The following PKD1 variants were observed in gnomAD, a reference collection of about 807,000 sequenced individuals.
The protein encoded by PKD1 is polycystin-1.
A neutral mutation model predicts 361.7 loss-of-function variants in PKD1; 81 were observed. That is an observed-to-expected ratio of 0.22 (90% CI 0.19 to 0.27). PKD1 has a LOEUF of 0.27. PKD1 is among the 10% of genes least tolerant of loss of function. The pLI is 1.00. For missense variants in PKD1, 6,399 were observed against 6,118.3 expected, an observed-to-expected ratio of 1.05 and a Z score of -1.53; for synonymous variants, 3,615 against 2,818.3, an observed-to-expected ratio of 1.28 and a Z score of -8.95.
Position 2,092,501 on chromosome 16 carries a change from G to A in PKD1, c.11248C>T (p.Arg3750Trp), listed in dbSNP as rs1356378120. 4 of 1,610,224 alleles carry A rather than the reference G, an allele frequency of 2.5e-6. No homozygotes were observed. Among genetic ancestry groups the A allele is most frequent in the East Asian group, 2.2e-5 (1 of 44,872 alleles). The change falls in exon 39 of 46, where the codon CGG becomes TGG. Residue 3750 changes from arginine to tryptophan, a missense_variant. Physicochemically the swap from Arg to Trp is moderately radical, Grantham distance 101. Transcript: ENST00000262304. The part of the protein sequence containing the change: ...SSPELGPPRL[R>W]QVRLQEALYP... ...TCACCTTCCTGCAGCCGCACCTGCC[G>A]CAGCCGTGGGGGCCCCAGCTCTGGG...
chr16:2,122,188 C>A (rs560486848), intron 1 of PKD1, among the ~76,000 whole-genome samples: 2 of 152,380 alleles, frequency 1.3e-5, no homozygotes, highest in African/African-American at 4.8e-5. Flanking sequence ...GACGGTGGAG[C>A]CAGGCCCTCA....
At position 2,091,183 on chromosome 16, in the gene PKD1, G is replaced by C; in HGVS notation, c.11713-9C>G. The C allele has an allele frequency of 2.8e-6, 4 of 1,405,480 alleles. No homozygotes were observed. Among genetic ancestry groups the C allele is most frequent in the Non-Finnish European group, 3.7e-6 (4 of 1,087,866 alleles). The allele number at this position is 1,405,480 out of a possible 1,614,324, so 87.1% of individuals were successfully genotyped here. ...AACAGCAGCAGGCACACCTGTGGGGGGCGCGGTCAGGAGGGCGGGAGGGAC... is the reference window on the plus strand; with the variant it reads ...AACAGCAGCAGGCACACCTGTGGGGCGCGCGGTCAGGAGGGCGGGAGGGAC... On this transcript the variant is annotated splice_polypyrimidine_tract_variant and intron_variant, in intron 42 of 45. Transcript: ENST00000262304.
chr16:2,124,816 G>A (rs987217562), intron 1 of PKD1, among the ~76,000 whole-genome samples: 1 of 152,234 alleles, frequency 6.6e-6, no homozygotes, highest in Non-Finnish European at 1.5e-5. Flanking sequence ...GCTCGGAGGG[G>A]CCGCCTGCGG....
chr16:2,124,512 G>C (rs1051436713), intron 1 of PKD1, among the ~76,000 whole-genome samples: 1 of 152,240 alleles, frequency 6.6e-6, no homozygotes, highest in Non-Finnish European at 1.5e-5. Flanking sequence ...GAATGCAACA[G>C]TGGGACTGAG....
At chr16:2,091,939 C>G in intron 40 of PKD1, 33 bp from the exon 41 acceptor site, 1 of 1,611,720 alleles carries the variant, frequency 6.2e-7, no homozygotes, top group Non-Finnish European at 8.5e-7. Context: ...GTGCCGCACC[C>G]CAGCCCTTCC....
chr16:2,099,920 G>C lies in PKD1; in HGVS notation c.9864C>G (p.Ile3288Met), dbSNP rs569228781. The change falls in exon 29 of 46, where the codon ATC becomes ATG. Residue 3288 changes from isoleucine to methionine, a missense_variant. By Grantham distance (10) the Ile-to-Met change is conservative. Transcript: ENST00000262304. ...IQRATCCVLL[I>M]CLFLGANAVW... is the part of the protein sequence containing the mutation. ...CGGCGTTGGCGCCCAGGAAGAGGCA[G>C]ATGAGGAGAACGCAGCAGGTGGCCC... 3 of 1,565,094 alleles carry C rather than the reference G, an allele frequency of 1.9e-6. No individual in the cohort carries two copies. Among genetic ancestry groups the C allele is most frequent in the South Asian group, 2.3e-5 (2 of 85,590 alleles).
Position 2,108,915 on chromosome 16 carries a change from G to A in PKD1, c.6252C>T (p.Ser2084=). The A allele has an allele frequency of 6.3e-7, 1 of 1,590,068 alleles. No homozygotes were observed. Residue 2084 remains serine, a synonymous_variant, in exon 15 of 46, where the codon AGC becomes AGT. Transcript: ENST00000262304. The part of the protein sequence containing the change: ...NRSAQFEAAT[S]PSPRRVAYHW... ...GGTAGGCCACACGCCGGGGGCTGGG[G>A]CTGGTGGCGGCCTCAAACTGCGCCG...
rs1019722974 is a variant in PKD1, at chr16:2,099,790, C to T, written c.9924-20G>A. 11 of 1,554,492 alleles carry T rather than the reference C, an allele frequency of 7.1e-6. No individual in the cohort carries two copies. The highest frequency in any genetic ancestry group is 2.3e-4 in the Middle Eastern group (1 of 4,382). ...CCCGTGCTGTGTGGAGGAGAGGAGG[C>T]CACACAGGTGAGGCTGAGGGGCAGG... On this transcript the variant is annotated intron_variant, in intron 29 of 45. Transcript: ENST00000262304.
At position 2,100,783 on chromosome 16, in the gene PKD1, A is replaced by G. The variant is rs1369885671; in HGVS notation, c.9398-217T>C. The G allele has an allele frequency of 1.7e-6, 1 of 589,898 alleles. No homozygotes were observed. Among genetic ancestry groups the G allele is most frequent in the Non-Finnish European group, 3.0e-6 (1 of 329,316 alleles). 36.5% of individuals were successfully genotyped at this position (589,898 alleles called of 1,614,324 possible). On this transcript the variant is annotated intron_variant, in intron 26 of 45. Coordinates refer to ENST00000262304, the MANE Select transcript of PKD1 (RefSeq NM_001009944.3). This position sits in a 1 kb window ranked among gnomAD's most constrained non-coding sequence, Gnocchi z 4.4. The stretch of plus-strand genomic sequence containing the variant: ...GACATGATTAAGTTACATGGAAAGA[A>G]CTGTAACTTGTGACATGCAAACATG...
Position 2,106,541 on chromosome 16 carries a change from G to A in PKD1, c.7346C>T (p.Thr2449Met), listed in dbSNP as rs933832282. The stretch of plus-strand genomic sequence containing the variant: ...CTCCTCGCCAGAGCGGCCCAGCACC[G>A]TGAGCGTGAAGGTGTATCCCTCGCC... ...RDGEGYTFTL[T>M]VLGRSGEEEG... Residue 2449 changes from threonine (T) to methionine (M), a missense_variant, in exon 18 of 46, where the codon ACG becomes ATG. Coordinates refer to ENST00000262304, the MANE Select transcript of PKD1 (RefSeq NM_001009944.3). The surrounding 1 kb of genome is among the most constrained non-coding windows in gnomAD (Gnocchi z 6.5). 45 of 1,596,378 alleles carry A rather than the reference G, an allele frequency of 2.8e-5. No individual in the cohort carries two copies. The highest frequency in any genetic ancestry group is 2.3e-4 in the Middle Eastern group (1 of 4,444).
Position 2,104,551 on chromosome 16 carries a change from G to C in PKD1, c.8108C>G (p.Thr2703Ser). 1 of 1,593,548 alleles carries C rather than the reference G, an allele frequency of 6.3e-7. No homozygotes were observed. Among genetic ancestry groups the C allele is most frequent in the Non-Finnish European group, 8.5e-7 (1 of 1,171,650 alleles). The change falls in exon 22 of 46, where the codon ACC becomes AGC. Residue 2703 changes from threonine to serine, a missense_variant. Physicochemically the swap from Thr to Ser is moderately conservative, Grantham distance 58. Transcript: ENST00000262304. ...AMMLILQAET[T>S]AGTVTPTAIG... ...GGCGGTGGGCGTCACGGTGCCCGCG[G>C]TGGTCTCTGCCTGCAGGATGAGCAT...
At position 2,106,238 on chromosome 16, in the gene PKD1, T is replaced by A; in HGVS notation, c.7556A>T (p.Gln2519Leu). The A allele has an allele frequency of 6.2e-7, 1 of 1,609,998 alleles. No homozygotes were observed. Among genetic ancestry groups the A allele is most frequent in the Non-Finnish European group, 8.5e-7 (1 of 1,179,506 alleles). Residue 2519 changes from glutamine to leucine, a missense_variant, in exon 19 of 46, where the codon CAG becomes CTG. By Grantham distance (113) the Gln-to-Leu change is moderately radical. Coordinates refer to ENST00000262304, the MANE Select transcript of PKD1 (RefSeq NM_001009944.3). This position sits in a 1 kb window ranked among gnomAD's most constrained non-coding sequence, Gnocchi z 6.5. ...GACACAGAACTCCTCGCAGTGGCCC[T>A]GGCGACAGCGCCGCAGCAGCAGGGC... Reference protein sequence around the residue: ...VYALLLRRCRQGHCEEFCVYK... With the variant: ...VYALLLRRCRLGHCEEFCVYK...
rs762280267 is a variant in PKD1, at chr16:2,092,035, C to T, written c.11411+12G>A. 4.3e-6 allele frequency: 7 copies of T among 1,612,724 alleles called. No homozygotes were observed. Among genetic ancestry groups the T allele is most frequent in the South Asian group, 3.3e-5 (3 of 91,082 alleles). ...CCTTGGCGTAGACGCCCGGGGCCCTCGCTCTGCTCACCCCAGCAGATCCGG... is the reference window on the plus strand; with the variant it reads ...CCTTGGCGTAGACGCCCGGGGCCCTTGCTCTGCTCACCCCAGCAGATCCGG... On this transcript the variant is annotated intron_variant, in intron 40 of 45. Coordinates refer to ENST00000262304, the MANE Select transcript of PKD1 (RefSeq NM_001009944.3).
intron 1 of PKD1, 121 bp downstream of exon 1, chr16:2,135,354 G>C (rs1318520179): frequency 9.4e-7 from 1 of 1,065,322 alleles, no homozygotes; most frequent in Non-Finnish European, 1.1e-6. Flanking sequence ...GCCGTGCCGC[G>C]CCGGAGCCTC....
intron 1 of PKD1, among the ~76,000 whole-genome samples, chr16:2,131,514 T>C (rs1055269700): frequency 1.4e-5 from 2 of 144,592 alleles, no homozygotes; most frequent in Admixed American, 6.9e-5. Context: ...TCTCAAATAA[T>C]AAAAATAAAT....
Position 2,135,362 on chromosome 16 carries a change from C to T in PKD1, c.215+113G>A, listed in dbSNP as rs1053415459. 7.0e-5 allele frequency: 75 copies of T among 1,064,188 alleles called. No individual in the cohort carries two copies. In the African/African-American group the frequency reaches 1.2e-3, roughly 17 times the overall value. The allele number at this position is 1,064,188 out of a possible 1,614,324, so 65.9% of individuals were successfully genotyped here. Reference sequence around the variant, plus strand: ...CAGGGCCGCCGTGCCGCGCCGGAGCCTCGCCCTGGGAGCGTCCTGGCCCGC... The same window carrying T: ...CAGGGCCGCCGTGCCGCGCCGGAGCTTCGCCCTGGGAGCGTCCTGGCCCGC... On this transcript the variant is annotated intron_variant, in intron 1 of 45. Coordinates refer to ENST00000262304, the MANE Select transcript of PKD1 (RefSeq NM_001009944.3).
Position 2,088,736 on chromosome 16 carries a change from T to TTGTC in PKD1, c.*987_*990dup, listed in dbSNP as rs960266423. On this transcript the variant is annotated 3_prime_UTR_variant, in exon 46 of 46. Transcript: ENST00000262304. The stretch of plus-strand genomic sequence containing the variant: ...CAGTCAGACAGCTCTTTTATTGACT[T>TTGTC]TGTCTGCTTGGTGCGGGGGTTGGGG... 1.0e-4 allele frequency: 133 copies of TTGTC among 1,335,124 alleles called. No homozygotes were observed. Among genetic ancestry groups the TTGTC allele is most frequent in the Admixed American group, 2.6e-4 (12 of 45,696 alleles). The allele number at this position is 1,335,124 out of a possible 1,614,324, so 82.7% of individuals were successfully genotyped here. A position where few individuals can be genotyped will look rare whatever the true frequency, so the allele number is the denominator to read the frequency against.
chr16:2,125,953 C>T (rs2092793465), intron 1 of PKD1, among the ~76,000 whole-genome samples: 2 of 152,158 alleles, frequency 1.3e-5, no homozygotes, highest in African/African-American at 2.4e-5. Context: ...CCCCGGGCAG[C>T]CAGCAGGGTC....
rs1596550396 is a variant in PKD1 at position 2,108,412 on chromosome 16, GCCA to G, written c.6752_6754del (p.Val2251del). ...AATGATGGGCACCAGGCGCTCGGGG[GCCA>G]CCGTCACATTGGCCTGGATGCTCTG... On this transcript the variant is annotated inframe_deletion, in exon 15 of 46. Coordinates refer to ENST00000262304, the MANE Select transcript of PKD1 (RefSeq NM_001009944.3). 6.2e-7 allele frequency: 1 copy of G among 1,610,554 alleles called. No homozygotes were observed. The highest frequency in any genetic ancestry group is 8.5e-7 in the Non-Finnish European group (1 of 1,179,718).
Sources: gnomAD v4.1 joint callset for allele counts (sites outside exome capture counted in the v4.1 genomes callset) on GRCh38, gnomAD v4.1.1 for gene constraint, Gnocchi (gnomAD v3.1) non-coding constraint, MANE v1.5 for transcripts, NCBI Gene and HGNC (gene_info 2026-07-23, HGNC 2026-07-21) for gene names.